The following CSMD1 variants were observed in gnomAD, a reference collection of about 807,000 sequenced individuals.
CSMD1 encodes the protein CUB and Sushi multiple domains 1.
A neutral mutation model predicts 417.5 loss-of-function variants in CSMD1; 213 were observed. That is an observed-to-expected ratio of 0.51 (90% CI 0.46 to 0.57). The LOEUF (loss-of-function observed/expected upper bound fraction) is 0.57, where lower values mean the gene tolerates loss of function less well. Ranked by LOEUF, CSMD1 falls within the 20% of genes least tolerant of loss-of-function variation. The probability of loss-of-function intolerance (pLI) is 0.00; values close to 1 mark genes in which losing one functional copy is unlikely to be tolerated. For synonymous variants in CSMD1, 2,862 were observed against 1,736.8 expected (o/e 1.65, Z -16.11); for missense variants, 6,923 against 4,529.7 (o/e 1.53, Z -15.17).
intron 25 of CSMD1, among the ~76,000 whole-genome samples, chr8:3,299,491 A>C (rs974360013): frequency 6.6e-6 from 1 of 151,956 alleles, no homozygotes; most frequent in African/African-American, 2.4e-5. Flanking sequence ...TCGCTAAGGA[A>C]CTCTGTGATA....
At chr8:3,080,630 C>T (rs891589220) in intron 49 of CSMD1, among the ~76,000 whole-genome samples, 6 of 152,176 alleles carry the variant, frequency 3.9e-5, no homozygotes, top group Admixed American at 2.6e-4. Context: ...CCACTTTGAA[C>T]CCCACAATTC....
intron 5 of CSMD1, among the ~76,000 whole-genome samples, chr8:3,900,004 A>G (rs1019679289): frequency 6.6e-6 from 1 of 152,198 alleles, no homozygotes; most frequent in African/African-American, 2.4e-5. Flanking sequence ...CTGGTTGACA[A>G]TGCAGCTGGG....
At chr8:4,059,769 A>G (rs1798876132) in intron 3 of CSMD1, among the ~76,000 whole-genome samples, 1 of 152,030 alleles carries the variant, frequency 6.6e-6, no homozygotes. Flanking sequence ...TGAATAGACC[A>G]ATAACAGGAG....
At chr8:3,047,615 C>T (rs145610126) in intron 50 of CSMD1, among the ~76,000 whole-genome samples, 108 of 152,320 alleles carry the variant, frequency 7.1e-4, no homozygotes, top group African/African-American at 2.3e-3. Flanking sequence ...ACTTTGTTTG[C>T]TCCCGTCTTT....
intron 5 of CSMD1, among the ~76,000 whole-genome samples, chr8:3,965,361 G>C (rs74583150): frequency 0.023 from 3,459 of 152,262 alleles, 125 homozygotes; most frequent in African/African-American, 0.074. Context: ...ATGTTTTGAA[G>C]AGTTTGTGTG....
intron 2 of CSMD1, among the ~76,000 whole-genome samples, chr8:4,532,383 G>C (rs184092689): frequency 2.0e-5 from 3 of 150,234 alleles, no homozygotes; most frequent in Admixed American, 6.6e-5. Flanking sequence ...CTCCAGAAGA[G>C]AAATCCTGCA....
chr8:4,683,862 T>C (rs901156162), intron 1 of CSMD1, among the ~76,000 whole-genome samples: 1 of 152,236 alleles, frequency 6.6e-6, no homozygotes, highest in African/African-American at 2.4e-5. Flanking sequence ...ATCTGTTCAT[T>C]TGGATCACTA....
Position 3,139,708 on chromosome 8 carries a change from T to C in CSMD1, c.6241+2757A>G, listed in dbSNP as rs187758033. On this transcript the variant is annotated intron_variant, in intron 41 of 69. Coordinates refer to ENST00000635120, the MANE Select transcript of CSMD1 (RefSeq NM_033225.6). ...TTATAAATAGATATGTACGTGTGTA[T>C]GTGTGTGTGTCGATGTGTGAGAGAC... 5.3e-5 allele frequency among the ~76,000 whole-genome samples: 8 copies of C among 152,168 alleles called. No homozygotes were observed. In the East Asian group the frequency reaches 1.5e-3, roughly 29 times the overall value.
intron 6 of CSMD1, 55 bp from the exon 7 acceptor site, chr8:3,708,546 ATGTTG>A: frequency 6.8e-7 from 1 of 1,469,890 alleles, no homozygotes; most frequent in East Asian, 2.3e-5. Context: ...TCATAAAACC[ATGTTG>A]TATCCACACA....
At chr8:3,025,099 T>C (rs893910961) in intron 51 of CSMD1, among the ~76,000 whole-genome samples, 11 of 150,164 alleles carry the variant, frequency 7.3e-5, no homozygotes, top group Admixed American at 1.3e-4. Flanking sequence ...ATTCTGAAAC[T>C]GTGTATTGTG....
chr8:3,070,630 C>T (rs1352693081), intron 49 of CSMD1, among the ~76,000 whole-genome samples: 1 of 152,188 alleles, frequency 6.6e-6, no homozygotes, highest in Non-Finnish European at 1.5e-5. Context: ...CCATCTGAGA[C>T]CCCATCAGCC....
intron 1 of CSMD1, 42 bp from the exon 2 acceptor site, chr8:4,637,600 C>T (rs1322705153): frequency 1.1e-5 from 14 of 1,227,338 alleles, no homozygotes; most frequent in Non-Finnish European, 1.5e-5. Context: ...TTATTCTGGC[C>T]ATCTTTAATC....
At chr8:3,807,910 A>AC (rs1800837055) in intron 5 of CSMD1, among the ~76,000 whole-genome samples, 1 of 152,202 alleles carries the variant, frequency 6.6e-6, no homozygotes, top group Non-Finnish European at 1.5e-5. Flanking sequence ...GTAATCACAT[A>AC]GAAAAAATAA....
intron 25 of CSMD1, among the ~76,000 whole-genome samples, chr8:3,301,987 A>G (rs1486838283): frequency 1.3e-5 from 2 of 152,176 alleles, no homozygotes; most frequent in African/African-American, 4.8e-5. Flanking sequence ...ATTTATCAAA[A>G]GAATTCCATG....
chr8:3,749,645 A>G (rs1297008389), intron 6 of CSMD1, among the ~76,000 whole-genome samples: 1 of 152,236 alleles, frequency 6.6e-6, no homozygotes, highest in Admixed American at 6.5e-5. Context: ...CTGTCCAAGC[A>G]TCATACGCTG....
intron 62 of CSMD1, among the ~76,000 whole-genome samples, chr8:2,959,932 AT>A (rs772439450): frequency 6.6e-6 from 1 of 152,152 alleles, no homozygotes; most frequent in East Asian, 1.9e-4. Flanking sequence ...AAAATCAATT[AT>A]TCGTGTTAGT....
intron 7 of CSMD1, among the ~76,000 whole-genome samples, chr8:3,671,069 TGGGATATATACATATAA>T (rs1799002506): frequency 1.5e-5 from 2 of 136,758 alleles, no homozygotes; most frequent in Non-Finnish European, 3.3e-5. Flanking sequence ...TATATGTATA[TGGGATATATACATATAA>T]GGGATATATA....
intron 5 of CSMD1, among the ~76,000 whole-genome samples, chr8:3,847,763 C>T (rs2975390): frequency 0.15 from 22,438 of 152,116 alleles, 1,906 homozygotes; most frequent in East Asian, 0.39. Context: ...TCCATATGTT[C>T]CTTTTTATCA....
rs74320169 is a variant in CSMD1, at chr8:3,552,338, T to C, written c.1344+22607A>G. ...AAGGTCAGCTTATTCTCTTTTTTTT[T>C]GCATATTTCTAAATTAAAGAAAACT... On this transcript the variant is annotated intron_variant, in intron 10 of 69. Transcript: ENST00000635120. Among the ~76,000 whole-genome samples, 840 of 152,312 alleles carry C rather than the reference T, an allele frequency of 5.5e-3. 7 individuals carry two copies. The highest frequency in any genetic ancestry group is 0.01 in the Middle Eastern group (3 of 294).
Sources: gnomAD v4.1 joint callset for allele counts (sites outside exome capture counted in the v4.1 genomes callset) on GRCh38, gnomAD v4.1.1 for gene constraint, MANE v1.5 for transcripts, NCBI Gene and HGNC (gene_info 2026-07-23, HGNC 2026-07-21) for gene names.